GNG4: variants seen among roughly 807,000 people sequenced by gnomAD.
The protein encoded by GNG4 is guanine nucleotide-binding protein G(I)/G(S)/G(O) subunit gamma-4.
In GNG4, 4 loss-of-function variants were observed where a neutral mutation model predicts 5.8. The observed-to-expected ratio is 0.69, with a 90% CI of 0.34 to 1.57. The LOEUF is 1.57. Ranked by LOEUF, GNG4 falls within the 40% of genes most tolerant of loss-of-function variation. The pLI, the probability that GNG4 is intolerant of heterozygous loss-of-function variation, is 0.06. For missense variants in GNG4, 96 were observed against 95.1 expected (o/e 1.01, Z -0.04); for synonymous variants, 29 against 32.9 (o/e 0.88, Z 0.41).
chr1:235,605,276 C>A (rs145675873), intron 1 of GNG4, among the ~76,000 whole-genome samples: 1 of 151,682 alleles, frequency 6.6e-6, no homozygotes, highest in African/African-American at 2.4e-5. Context: ...CTACAACCTC[C>A]GCCTCCCAGG....
At chr1:235,567,802 T>C (rs1687236430) in intron 3 of GNG4, among the ~76,000 whole-genome samples, 1 of 152,194 alleles carries the variant, frequency 6.6e-6, no homozygotes, top group Non-Finnish European at 1.5e-5. Context: ...AGACCCTACT[T>C]CCAATTCTTT....
At chr1:235,609,874 C>CTTG (rs1558495972) in intron 1 of GNG4, among the ~76,000 whole-genome samples, 144 of 150,078 alleles carry the variant, frequency 9.6e-4, no homozygotes, top group African/African-American at 3.6e-3. Flanking sequence ...GACCCTGTCT[C>CTTG]AAAAAAAGAA....
intron 2 of GNG4, among the ~76,000 whole-genome samples, chr1:235,594,513 G>A (rs1006071568): frequency 6.6e-6 from 1 of 152,202 alleles, no homozygotes; most frequent in African/African-American, 2.4e-5. Context: ...CTCAGGCCGT[G>A]CAGGAGCCCA....
chr1:235,584,173 G>A (rs557119305), intron 2 of GNG4, among the ~76,000 whole-genome samples: 4 of 152,238 alleles, frequency 2.6e-5, no homozygotes, highest in Admixed American at 2.0e-4. Context: ...TTGGACATTC[G>A]TATAGTGCTT....
chr1:235,607,568 C>T (rs923660530), intron 1 of GNG4, among the ~76,000 whole-genome samples: 1 of 152,262 alleles, frequency 6.6e-6, no homozygotes, highest in African/African-American at 2.4e-5. Flanking sequence ...TTGTACTTCA[C>T]AGACTCTGTA....
chr1:235,608,872 C>G (rs1002560989), intron 1 of GNG4, among the ~76,000 whole-genome samples: 1 of 151,826 alleles, frequency 6.6e-6, no homozygotes, highest in South Asian at 2.1e-4. Context: ...TTAGTAGAGA[C>G]GGGGTTTTGC....
chr1:235,574,822 CCTTT>C (rs1359459188), intron 3 of GNG4, among the ~76,000 whole-genome samples: 2 of 151,828 alleles, frequency 1.3e-5, no homozygotes, highest in African/African-American at 4.8e-5. Flanking sequence ...ACGACACAAT[CCTTT>C]CTTTCTTTTC....
At position 235,625,237 on chromosome 1, in the gene GNG4, C is replaced by T. The variant is rs186427322; in HGVS notation, c.-123+24425G>A. 1.5e-4 allele frequency among the ~76,000 whole-genome samples: 23 copies of T among 152,278 alleles called. No individual in the cohort carries two copies. In the East Asian group the frequency reaches 4.4e-3, roughly 29 times the overall value. ...TACTTTTCTTCCCCATTTTCCTAGC[C>T]TTCTTCTGCAAACTTCCCGGCATTT... On this transcript the variant is annotated intron_variant, in intron 1 of 3. Coordinates refer to ENST00000391854, the MANE Select transcript of GNG4 (RefSeq NM_001098722.2).
rs148359132 is a variant in GNG4, at chr1:235,568,953, A to G, written c.99+14787T>C. Among the ~76,000 whole-genome samples, 1,111 of 151,952 alleles carry G rather than the reference A, an allele frequency of 7.3e-3. 14 individuals carry two copies. The highest frequency in any genetic ancestry group is 0.025 in the African/African-American group (1,050 of 41,438). Reference sequence around the variant, plus strand: ...GCAATTCTCCTGCCTCAGCCACCCAAGTAGCTGGGACTACAGGTGCTCACC... The same window carrying G: ...GCAATTCTCCTGCCTCAGCCACCCAGGTAGCTGGGACTACAGGTGCTCACC... On this transcript the variant is annotated intron_variant, in intron 3 of 3. Transcript: ENST00000391854.
intron 2 of GNG4, 96 bp from the exon 3 acceptor site, chr1:235,583,944 G>T: frequency 1.6e-6 from 1 of 612,402 alleles, no homozygotes. Flanking sequence ...GTCCAAGCCA[G>T]GGAGCATCTG....
At chr1:235,605,958 G>GGA (rs1388582474) in intron 1 of GNG4, among the ~76,000 whole-genome samples, 9 of 132,836 alleles carry the variant, frequency 6.8e-5, no homozygotes, top group Admixed American at 2.2e-4. Context: ...GAGAGTGTGG[G>GGA]GGGGTGGGTC....
At chr1:235,637,120 A>AT (rs1657123601) in intron 1 of GNG4, among the ~76,000 whole-genome samples, 1 of 152,058 alleles carries the variant, frequency 6.6e-6, no homozygotes, top group South Asian at 2.1e-4. Context: ...GACAGGGTAC[A>AT]TGAATGCTTT....
chr1:235,615,345 A>T (rs767634959), intron 1 of GNG4: 1 of 152,830 alleles, frequency 6.5e-6, no homozygotes, highest in Non-Finnish European at 1.5e-5. Flanking sequence ...GGATAAGGCA[A>T]GAAAAAGGAT....
intron 3 of GNG4, among the ~76,000 whole-genome samples, chr1:235,556,140 T>A (rs1403018571): frequency 1.3e-5 from 2 of 151,974 alleles, no homozygotes; most frequent in African/African-American, 4.8e-5. Flanking sequence ...GTGCTGGGAT[T>A]ACAGGCATGA....
chr1:235,603,799 G>A lies in GNG4; in HGVS notation c.-122-8288C>T, dbSNP rs914126600. On this transcript the variant is annotated intron_variant, in intron 1 of 3. Transcript: ENST00000391854. ...TTCTTAGGAAGAGCACGCGGGGTCC[G>A]AACGACGCTGGGGCCTGCTGGTCAC... is the stretch of plus-strand genomic sequence containing the variant. Among the ~76,000 whole-genome samples, 3 of 152,166 alleles carry A rather than the reference G, an allele frequency of 2.0e-5. No homozygotes were observed. The East Asian group carries it at 5.8e-4, about 29-fold the overall frequency.
At chr1:235,555,229 C>A (rs1035041942) in intron 3 of GNG4, among the ~76,000 whole-genome samples, 2 of 152,140 alleles carry the variant, frequency 1.3e-5, no homozygotes, top group Non-Finnish European at 2.9e-5. Context: ...CAGTAGAGGA[C>A]ACCTTGGTGA....
chr1:235,553,484 GA>G (rs946349531), intron 3 of GNG4, among the ~76,000 whole-genome samples: 4 of 151,930 alleles, frequency 2.6e-5, no homozygotes, highest in South Asian at 4.2e-4. Flanking sequence ...CACAGATGAA[GA>G]AAAAAAATGT....
intron 1 of GNG4, among the ~76,000 whole-genome samples, chr1:235,600,873 A>C (rs141842447): frequency 1.7e-3 from 254 of 152,378 alleles, no homozygotes; most frequent in South Asian, 0.016. Context: ...CCATGAGCTA[A>C]CTGGGAGCCC....
chr1:235,573,793 A>T (rs1413968798), intron 3 of GNG4, among the ~76,000 whole-genome samples: 1 of 152,072 alleles, frequency 6.6e-6, no homozygotes, highest in Non-Finnish European at 1.5e-5. Context: ...AAGGAAAAAT[A>T]AAAAAAGACT....
Sources: allele counts gnomAD v4.1 joint callset (sites outside exome capture counted in the v4.1 genomes callset), GRCh38; gene constraint gnomAD v4.1.1; transcripts MANE v1.5; gene names NCBI Gene and HGNC (gene_info 2026-07-23, HGNC 2026-07-21).